The following RARB variants were observed in gnomAD, a reference collection of about 807,000 sequenced individuals.
The protein encoded by RARB is retinoic acid receptor beta, also known as HBV-activated protein.
RARB carries 17 observed loss-of-function variants against 51.9 expected under a neutral mutation model. The ratio of observed to expected loss-of-function variants is 0.33; its 90% CI spans 0.22 to 0.49. The LOEUF is 0.49. Ranked by LOEUF, RARB falls within the 20% of genes least tolerant of loss-of-function variation. The pLI is 0.99. For synonymous variants in RARB, 215 were observed against 195.4 expected (o/e 1.10, Z -0.84); for missense variants, 369 against 550.8 (o/e 0.67, Z 3.30).
intron 3 of RARB, among the ~76,000 whole-genome samples, chr3:25,506,565 A>G (rs541715869): frequency 2.0e-5 from 3 of 151,506 alleles, no homozygotes; most frequent in South Asian, 4.2e-4. Flanking sequence ...GCAATGAGCC[A>G]TTTTCATGCC....
At chr3:25,051,595 A>ATATT (rs147383197) in intron 2 of RARB, among the ~76,000 whole-genome samples, 2 of 151,678 alleles carry the variant, frequency 1.3e-5, no homozygotes, top group Non-Finnish European at 2.9e-5. Context: ...ATAAGACTAC[A>ATATT]CATTCAATTT....
chr3:25,336,403 G>C (rs1012925697), intron 5 of RARB, among the ~76,000 whole-genome samples: 2 of 152,114 alleles, frequency 1.3e-5, no homozygotes, highest in African/African-American at 4.8e-5. Context: ...TGCTTTTAGA[G>C]TTCAAGGCAC....
At chr3:25,174,552 G>T (rs1438345418) in exon 5 of RARB, 1 of 1,351,976 alleles carries the variant, frequency 7.4e-7, no homozygotes, top group African/African-American at 1.5e-5. Flanking sequence ...CCTCCGAGTG[G>T]ATGCAGCACC....
At chr3:24,932,337 G>A (rs1243836534) in intron 2 of RARB, among the ~76,000 whole-genome samples, 1 of 152,008 alleles carries the variant, frequency 6.6e-6, no homozygotes, top group Non-Finnish European at 1.5e-5. Context: ...TGGGGGATCT[G>A]GGAAAATCTG....
chr3:25,185,516 A>G (rs1700955322), intron 5 of RARB, among the ~76,000 whole-genome samples: 2 of 152,166 alleles, frequency 1.3e-5, no homozygotes. Flanking sequence ...AAAAAGAAGT[A>G]CCTAAGGAGA....
chr3:25,388,352 A>G (rs1706854132), intron 5 of RARB, among the ~76,000 whole-genome samples: 1 of 152,226 alleles, frequency 6.6e-6, no homozygotes, highest in African/African-American at 2.4e-5. Flanking sequence ...TTATGGTTAT[A>G]AGACTATTAT....
At chr3:24,995,815 T>C (rs1697009097) in intron 2 of RARB, among the ~76,000 whole-genome samples, 2 of 152,146 alleles carry the variant, frequency 1.3e-5, no homozygotes, top group Non-Finnish European at 2.9e-5. Flanking sequence ...TAAATCCTAC[T>C]TGGTCACATT....
intron 5 of RARB, among the ~76,000 whole-genome samples, chr3:25,347,737 G>C (rs1024970891): frequency 6.6e-6 from 1 of 152,170 alleles, no homozygotes; most frequent in South Asian, 2.1e-4. Context: ...ATTTTATGAA[G>C]AAGGGAATCA....
intron 2 of RARB, among the ~76,000 whole-genome samples, chr3:24,982,793 C>T (rs895993866): frequency 6.6e-6 from 1 of 152,088 alleles, no homozygotes; most frequent in African/African-American, 2.4e-5. Context: ...TGTTTGGGGG[C>T]TGGGGCATCA....
intron 5 of RARB, among the ~76,000 whole-genome samples, chr3:25,180,150 G>C (rs1182382458): frequency 6.6e-6 from 1 of 152,072 alleles, no homozygotes; most frequent in Non-Finnish European, 1.5e-5. Context: ...TCATAAAGAC[G>C]GGAATGACTT....
chr3:25,512,513 A>T (rs1697945727), intron 3 of RARB, among the ~76,000 whole-genome samples: 1 of 152,168 alleles, frequency 6.6e-6, no homozygotes, highest in Admixed American at 6.5e-5. Flanking sequence ...TCCAACACTG[A>T]TCTCTTGTCA....
chr3:25,216,481 AG>A (rs1559509483), intron 5 of RARB, among the ~76,000 whole-genome samples: 1 of 152,110 alleles, frequency 6.6e-6, no homozygotes, highest in Non-Finnish European at 1.5e-5. Context: ...AAACTAACAC[AG>A]GAACAGAAAA....
intron 2 of RARB, among the ~76,000 whole-genome samples, chr3:25,042,712 C>T (rs1351773022): frequency 1.3e-5 from 2 of 152,186 alleles, no homozygotes; most frequent in Admixed American, 6.5e-5. Flanking sequence ...TATTGAATGT[C>T]CATGTCAATG....
chr3:24,924,103 T>C (rs1026935435), intron 2 of RARB, among the ~76,000 whole-genome samples: 2 of 152,054 alleles, frequency 1.3e-5, no homozygotes, highest in Non-Finnish European at 2.9e-5. Flanking sequence ...CATAAACTAT[T>C]TTTTTTTCTA....
intron 3 of RARB, among the ~76,000 whole-genome samples, chr3:25,063,654 C>T (rs1698596536): frequency 2.0e-5 from 3 of 151,144 alleles, no homozygotes; most frequent in African/African-American, 7.3e-5. Flanking sequence ...TAAAGACTAC[C>T]ACAGTCATAA....
At chr3:25,511,461 A>G (rs1001876791) in intron 3 of RARB, among the ~76,000 whole-genome samples, 2 of 151,970 alleles carry the variant, frequency 1.3e-5, no homozygotes, top group South Asian at 2.1e-4. Context: ...CTACCTTTCT[A>G]TTTATGGCAA....
intron 2 of RARB, among the ~76,000 whole-genome samples, chr3:25,006,278 T>C (rs749539060): frequency 2.0e-5 from 3 of 152,198 alleles, no homozygotes; most frequent in Non-Finnish European, 4.4e-5. Context: ...AAACATTTTC[T>C]GTTTTGTTCA....
chr3:24,902,218 T>C (rs1455221202), intron 2 of RARB, among the ~76,000 whole-genome samples: 1 of 152,188 alleles, frequency 6.6e-6, no homozygotes, highest in Non-Finnish European at 1.5e-5. Flanking sequence ...GACTTACGTG[T>C]CCCTAGAGAT....
intron 2 of RARB, among the ~76,000 whole-genome samples, chr3:24,917,199 C>G (rs1360687908): frequency 6.6e-6 from 1 of 151,874 alleles, no homozygotes; most frequent in Non-Finnish European, 1.5e-5. Flanking sequence ...CATATGCAAA[C>G]AAACCTAAAT....
Sources: gnomAD v4.1 joint callset for allele counts (sites outside exome capture counted in the v4.1 genomes callset) on GRCh38, gnomAD v4.1.1 for gene constraint, MANE v1.5 for transcripts, NCBI Gene and HGNC (gene_info 2026-07-23, HGNC 2026-07-21) for gene names.